Variants in ARHGEF10L observed in about 807,000 individuals in gnomAD.
The protein encoded by ARHGEF10L is Rho guanine nucleotide exchange factor 10 like, also known as rho guanine nucleotide exchange factor 10-like protein.
In ARHGEF10L, 69 loss-of-function variants were observed where a neutral mutation model predicts 141.2. The observed-to-expected ratio is 0.49, with a 90% CI of 0.40 to 0.60. The LOEUF is 0.60. Ranked by LOEUF, ARHGEF10L falls within the 20% of genes least tolerant of loss-of-function variation. The pLI, the probability that ARHGEF10L is intolerant of heterozygous loss-of-function variation, is 0.00. For synonymous variants in ARHGEF10L, 711 were observed against 718.5 expected (o/e 0.99, Z 0.17); for missense variants, 1,482 against 1,734.3 (o/e 0.85, Z 2.58).
At chr1:17,622,898 C>T (rs933114888) in intron 11 of ARHGEF10L, 98 bp from the exon 12 acceptor site, 29 of 1,315,806 alleles carry the variant, frequency 2.2e-5, no homozygotes, top group South Asian at 5.6e-5. Flanking sequence ...CTCCGTGCCA[C>T]GGGAAGGCCC....
chr1:17,544,291 T>A (rs2996646), intron 1 of ARHGEF10L, among the ~76,000 whole-genome samples: 75 of 150,946 alleles, frequency 5.0e-4, no homozygotes, highest in African/African-American at 1.7e-3. Flanking sequence ...TATATATATA[T>A]AATAATTTTT....
At chr1:17,686,630 A>G (rs111624115) in intron 26 of ARHGEF10L, among the ~76,000 whole-genome samples, 14 of 152,248 alleles carry the variant, frequency 9.2e-5, no homozygotes, top group African/African-American at 3.1e-4. Flanking sequence ...AGTCATGGCC[A>G]GGGCAGGGGT....
In ARHGEF10L at chr1:17,674,501, C is replaced by T. The variant is rs149325997; in HGVS notation, c.3009+9906C>T. 2.6e-4 allele frequency among the ~76,000 whole-genome samples: 40 copies of T among 152,320 alleles called. No homozygotes were observed. The East Asian group carries it at 7.7e-3, about 29-fold the overall frequency. On this transcript the variant is annotated intron_variant, in intron 26 of 28. Coordinates refer to ENST00000361221, the MANE Select transcript of ARHGEF10L (RefSeq NM_018125.4). The stretch of plus-strand genomic sequence containing the variant: ...CCCAGCTGTGAGGCAGACACACCTG[C>T]CACTGATCCGAGGAGCCCAGGAAGG...
In ARHGEF10L at chr1:17,634,429, G is replaced by A. The variant is rs937630753; in HGVS notation, c.1731-119G>A. The A allele has an allele frequency of 3.9e-6, 6 of 1,540,888 alleles. No individual in the cohort carries two copies. The Admixed American group carries it at 6.8e-5, about 18-fold the overall frequency. On this transcript the variant is annotated intron_variant, in intron 16 of 28. Transcript: ENST00000361221. ...ATGCCCTCATTCCCCGCAGGAGGCT[G>A]TCTCTCCTTCTATTCCCGATGCCCA...
chr1:17,534,385 A>T, the ARHGEF10L span, among the ~76,000 whole-genome samples: 1 of 152,048 alleles, frequency 6.6e-6, no homozygotes. Context: ...GGCCTCCCAA[A>T]GTTCTGGGAT....
In ARHGEF10L at chr1:17,587,379, C is replaced by T. The variant is rs1474432819; in HGVS notation, c.38-81C>T. On this transcript the variant is annotated intron_variant, in intron 2 of 28. Transcript: ENST00000361221. ...CCTGAGGTGCTCACCCAGTTCCAGC[C>T]ATGCCCACCTACCCCAGCCATCTCT... The T allele has an allele frequency of 1.1e-5, 16 of 1,431,362 alleles. No individual in the cohort carries two copies. The South Asian group carries it at 1.6e-4, about 15-fold the overall frequency. The allele number at this position is 1,431,362 out of a possible 1,614,324, so 88.7% of individuals were successfully genotyped here.
At chr1:17,517,097 C>T in the ARHGEF10L span, among the ~76,000 whole-genome samples, 4 of 152,270 alleles carry the variant, frequency 2.6e-5, no homozygotes, top group Admixed American at 2.0e-4. Flanking sequence ...TTTACTCTCC[C>T]GTGCTCCAGG....
At chr1:17,527,544 G>A in the ARHGEF10L span, among the ~76,000 whole-genome samples, 31 of 152,240 alleles carry the variant, frequency 2.0e-4, no homozygotes, top group East Asian at 4.6e-3. Flanking sequence ...ACCCGGAGCC[G>A]ATCCAGAGAC....
At chr1:17,612,949 G>C (rs1042741222) in intron 7 of ARHGEF10L, 109 bp from the exon 8 acceptor site, 21 of 747,170 alleles carry the variant, frequency 2.8e-5, no homozygotes, top group Non-Finnish European at 4.9e-5. Context: ...CTGTCCGTCC[G>C]CACTTTACCT....
chr1:17,602,058 G>A, intron 4 of ARHGEF10L, 69 bp from the exon 5 acceptor site: 1 of 1,393,342 alleles, frequency 7.2e-7, no homozygotes, highest in Non-Finnish European at 9.6e-7. Context: ...CGCTGACCAG[G>A]TGAGGGGCTG....
the ARHGEF10L span, among the ~76,000 whole-genome samples, chr1:17,518,544 C>G: frequency 1.3e-5 from 2 of 152,154 alleles, no homozygotes; most frequent in African/African-American, 2.4e-5. Context: ...ATAATCCCAG[C>G]ACTTTGGGAG....
At chr1:17,580,972 C>T (rs762793238) in intron 2 of ARHGEF10L, among the ~76,000 whole-genome samples, 4 of 151,812 alleles carry the variant, frequency 2.6e-5, no homozygotes, top group African/African-American at 4.8e-5. Context: ...AGGGTCAGGC[C>T]GTTGAACAGT....
chr1:17,623,208 C>T lies in ARHGEF10L; in HGVS notation c.1200+33C>T, dbSNP rs777617935. On this transcript the variant is annotated intron_variant, in intron 12 of 28. Transcript: ENST00000361221. This position sits in a 1 kb window ranked among gnomAD's most constrained non-coding sequence, Gnocchi z 4.7. ...TCCCCAAACTTTTTCCCCAGCCCAC[C>T]AAGGTAAAACCACAACCAGTCTGAC... is the stretch of plus-strand genomic sequence containing the variant. The T allele has an allele frequency of 1.3e-5, 21 of 1,602,866 alleles. No individual in the cohort carries two copies. Among genetic ancestry groups the T allele is most frequent in the Non-Finnish European group, 1.8e-5 (21 of 1,174,124 alleles).
chr1:17,543,925 G>C (rs1356455194), intron 1 of ARHGEF10L, among the ~76,000 whole-genome samples: 1 of 140,182 alleles, frequency 7.1e-6, no homozygotes, highest in Admixed American at 7.2e-5. Context: ...TGGGATTACA[G>C]GCATGAGCCA....
the ARHGEF10L span, among the ~76,000 whole-genome samples, chr1:17,521,014 A>G: frequency 6.6e-6 from 1 of 152,082 alleles, no homozygotes; most frequent in Non-Finnish European, 1.5e-5. Context: ...GCTCTCTCCC[A>G]TGCCATCCGG....
chr1:17,524,364 T>C, the ARHGEF10L span, among the ~76,000 whole-genome samples: 7 of 116,060 alleles, frequency 6.0e-5, no homozygotes, highest in Non-Finnish European at 1.2e-4. Context: ...ACCCCGTCTC[T>C]ACACACACAC....
chr1:17,675,996 G>A (rs1386384983), intron 26 of ARHGEF10L, among the ~76,000 whole-genome samples: 2 of 148,246 alleles, frequency 1.3e-5, no homozygotes, highest in African/African-American at 5.0e-5. Context: ...GTGTGTGCAG[G>A]TGTGGGTGCA....
At chr1:17,657,654 A>G (rs1443054942) in intron 25 of ARHGEF10L, among the ~76,000 whole-genome samples, 1 of 152,082 alleles carries the variant, frequency 6.6e-6, no homozygotes, top group Non-Finnish European at 1.5e-5. Context: ...GGTATTTTTA[A>G]TTAGCTTTTG....
In ARHGEF10L at chr1:17,615,913, C is replaced by G. The variant is rs1480645238; in HGVS notation, c.727-181C>G. ...CCTGTTGCCCCTAAAGAGGGAGATCCCCGGGCATGAACGCACCTTCTCACC... is the reference window on the plus strand; with the variant it reads ...CCTGTTGCCCCTAAAGAGGGAGATCGCCGGGCATGAACGCACCTTCTCACC... On this transcript the variant is annotated intron_variant, in intron 8 of 28. Coordinates refer to ENST00000361221, the MANE Select transcript of ARHGEF10L (RefSeq NM_018125.4). The surrounding 1 kb of genome is among the most constrained non-coding windows in gnomAD (Gnocchi z 4.7). 1 of 587,678 alleles carries G rather than the reference C, an allele frequency of 1.7e-6. No individual in the cohort carries two copies. The highest frequency in any genetic ancestry group is 1.9e-5 in the African/African-American group (1 of 53,650). 36.4% of individuals were successfully genotyped at this position (587,678 alleles called of 1,614,324 possible).
Sources: gnomAD v4.1 joint callset for allele counts (sites outside exome capture counted in the v4.1 genomes callset) on GRCh38, gnomAD v4.1.1 for gene constraint, Gnocchi (gnomAD v3.1) non-coding constraint, MANE v1.5 for transcripts, NCBI Gene and HGNC (gene_info 2026-07-23, HGNC 2026-07-21) for gene names.